Variants in MYPN observed in about 807,000 individuals in gnomAD.
MYPN encodes sarcomeric protein myopalladin, 145 kDa (MYOP).
MYPN carries 63 observed loss-of-function variants against 129.4 expected under a neutral mutation model. That is an observed-to-expected ratio of 0.49 (90% CI 0.40 to 0.60). The LOEUF (loss-of-function observed/expected upper bound fraction) is 0.60. MYPN is among the 20% of genes least tolerant of loss of function. The pLI, the probability that MYPN is intolerant of heterozygous loss-of-function variation, is 0.00. For missense variants in MYPN, 1,596 were observed against 1,635.4 expected (o/e 0.98, Z 0.42); for synonymous variants, 629 against 600.9 (o/e 1.05, Z -0.68).
At chr10:68,110,570 T>C (rs1486292588) in intron 1 of MYPN, among the ~76,000 whole-genome samples, 1 of 152,178 alleles carries the variant, frequency 6.6e-6, no homozygotes, top group East Asian at 1.9e-4. Context: ...CATCCAGTTT[T>C]CTTTCTCAAA....
In MYPN at chr10:68,211,219, G is replaced by A. The variant is rs1270636251; in HGVS notation, c.*764G>A. On this transcript the variant is annotated 3_prime_UTR_variant, in exon 20 of 20. Coordinates refer to ENST00000358913, the MANE Select transcript of MYPN (RefSeq NM_032578.4). ...CCCTAGACACTAGAACTAAAGGATT[G>A]GTAATAAACCAATCAGAAAGAAATC... 8.6e-5 allele frequency: 39 copies of A among 453,856 alleles called. No individual in the cohort carries two copies. Among genetic ancestry groups the A allele is most frequent in the Non-Finnish European group, 1.7e-4 (38 of 226,794 alleles). The allele number at this position is 453,856 out of a possible 1,614,324, so 28.1% of individuals were successfully genotyped here. A position where few individuals can be genotyped will look rare whatever the true frequency, so the allele number is the denominator to read the frequency against.
rs2042982324 is a variant in MYPN, at chr10:68,161,889, G to A, written c.1483+137G>A. 6.0e-6 allele frequency: 4 copies of A among 667,148 alleles called. 1 individual carries two copies. The highest frequency in any genetic ancestry group is 3.9e-5 in the South Asian group (2 of 51,660). The allele number at this position is 667,148 out of a possible 1,614,324, so 41.3% of individuals were successfully genotyped here. A position where few individuals can be genotyped will look rare whatever the true frequency, so the allele number is the denominator to read the frequency against. ...AAAAAAAGATCCAAATGGGCCGGGT[G>A]CAGTGGCTCATGTCTGTAATTCCAG... On this transcript the variant is annotated intron_variant, in intron 8 of 19. Coordinates refer to ENST00000358913, the MANE Select transcript of MYPN (RefSeq NM_032578.4).
chr10:68,122,099 G>A lies in MYPN; in HGVS notation c.661G>A (p.Asp221Asn), dbSNP rs1236946451. ...VPIPIPADTR[D>N]NEVNHALEQQ... ...CATCCCTATCCCTGCGGATACCAGG[G>A]ATAATGAAGTGAATCACGCCCTGGA... The change falls in exon 2 of 20, where the codon GAT becomes AAT. Residue 221 changes from aspartate to asparagine, a missense_variant. Asp to Asn is a conservative substitution (Grantham distance 23). Coordinates refer to ENST00000358913, the MANE Select transcript of MYPN (RefSeq NM_032578.4). 1 of 1,614,212 alleles carries A rather than the reference G, an allele frequency of 6.2e-7. No homozygotes were observed. Among genetic ancestry groups the A allele is most frequent in the Non-Finnish European group, 8.5e-7 (1 of 1,180,038 alleles).
At chr10:68,119,307 G>T (rs1240764226) in intron 1 of MYPN, among the ~76,000 whole-genome samples, 2 of 151,890 alleles carry the variant, frequency 1.3e-5, no homozygotes, top group African/African-American at 4.8e-5. Flanking sequence ...TACTGAACAT[G>T]GTTACAATTT....
chr10:68,122,073 C>T lies in MYPN; in HGVS notation c.635C>T (p.Pro212Leu). Residue 212 changes from proline (P) to leucine (L), a missense_variant, in exon 2 of 20, where the codon CCC becomes CTC. By Grantham distance (98) the Pro-to-Leu change is moderately conservative. Coordinates refer to ENST00000358913, the MANE Select transcript of MYPN (RefSeq NM_032578.4). ...GAAAGACGAGAAAGATCTTCTGTTCCCATCCCTATCCCTGCGGATACCAGG... is the reference window on the plus strand; with the variant it reads ...GAAAGACGAGAAAGATCTTCTGTTCTCATCCCTATCCCTGCGGATACCAGG... ...LSERRERSSV[P>L]IPIPADTRDN... is the part of the protein sequence containing the mutation. The T allele has an allele frequency of 6.2e-7, 1 of 1,614,178 alleles. No individual in the cohort carries two copies. The highest frequency in any genetic ancestry group is 8.5e-7 in the Non-Finnish European group (1 of 1,180,046).
rs144415949 is a variant in MYPN, at chr10:68,163,397, C to A, written c.1483+1645C>A. Among the ~76,000 whole-genome samples the A allele has an allele frequency of 8.0e-3, 1,215 of 152,058 alleles. 22 individuals are homozygous for A. Among genetic ancestry groups the A allele is most frequent in the African/African-American group, 0.028 (1,155 of 41,480 alleles). Reference sequence around the variant, plus strand: ...ATCCCAGCACTTTGGGAGGCCGAGGCGGGTGGATCATGAGGTCAGGAGATC... The same window carrying A: ...ATCCCAGCACTTTGGGAGGCCGAGGAGGGTGGATCATGAGGTCAGGAGATC... On this transcript the variant is annotated intron_variant, in intron 8 of 19. Transcript: ENST00000358913.
intron 12 of MYPN, among the ~76,000 whole-genome samples, chr10:68,184,907 A>G (rs1371992735): frequency 6.6e-6 from 1 of 152,160 alleles, no homozygotes; most frequent in African/African-American, 2.4e-5. Flanking sequence ...TCGAGAGAGG[A>G]AAGAGGAGAA....
intron 10 of MYPN, among the ~76,000 whole-genome samples, chr10:68,170,598 A>G (rs1226152917): frequency 6.6e-6 from 1 of 152,170 alleles, no homozygotes; most frequent in East Asian, 1.9e-4. Flanking sequence ...TATGGAAAAT[A>G]GAGATAATGT....
chr10:68,208,445 A>G (rs1462999150), intron 19 of MYPN, among the ~76,000 whole-genome samples: 2 of 152,220 alleles, frequency 1.3e-5, no homozygotes, highest in African/African-American at 4.8e-5. Flanking sequence ...GGAAGCAGAC[A>G]CTAATGTACT....
chr10:68,127,797 A>T (rs1049975825), intron 2 of MYPN, among the ~76,000 whole-genome samples: 2 of 152,192 alleles, frequency 1.3e-5, no homozygotes, highest in African/African-American at 4.8e-5. Context: ...TCCTTAAAAA[A>T]TACCTTAAAA....
chr10:68,113,256 T>C (rs150273887), intron 1 of MYPN, among the ~76,000 whole-genome samples: 44 of 152,348 alleles, frequency 2.9e-4, no homozygotes, highest in African/African-American at 1.0e-3. Context: ...TATTTATCTT[T>C]TCCTATCCTG....
chr10:68,175,208 T>C (rs1589589051), intron 11 of MYPN, 115 bp from the exon 12 acceptor site: 2 of 1,115,790 alleles, frequency 1.8e-6, no homozygotes, highest in East Asian at 2.4e-5. Flanking sequence ...CTTAATTCCC[T>C]AAGTGCCTAA....
chr10:68,114,553 T>C (rs1027479050), intron 1 of MYPN, among the ~76,000 whole-genome samples: 1 of 152,084 alleles, frequency 6.6e-6, no homozygotes, highest in East Asian at 1.9e-4. Context: ...TTCACCATGT[T>C]GACCAGGCTG....
upstream of MYPN, among the ~76,000 whole-genome samples, chr10:68,105,038 C>A (rs555136935): frequency 6.6e-6 from 1 of 152,296 alleles, no homozygotes; most frequent in South Asian, 2.1e-4. Context: ...CCCGCCTCAG[C>A]CTGCAAAGTG....
In MYPN at chr10:68,110,909, A is replaced by G. The variant is rs1374801971; in HGVS notation, c.-2+1186A>G. ...CAAGAGATAAAATTATAGGCCTTAC[A>G]GAATCTTATAATAATGGACTATGAA... is the stretch of plus-strand genomic sequence containing the variant. On this transcript the variant is annotated intron_variant, in intron 1 of 19. Coordinates refer to ENST00000358913, the MANE Select transcript of MYPN (RefSeq NM_032578.4). Among the ~76,000 whole-genome samples the G allele has an allele frequency of 4.6e-5, 7 of 152,336 alleles. No individual in the cohort carries two copies. In the East Asian group the frequency reaches 1.3e-3, roughly 29 times the overall value.
chr10:68,161,513 C>CT (rs1268698752), intron 7 of MYPN, among the ~76,000 whole-genome samples: 2 of 139,166 alleles, frequency 1.4e-5, no homozygotes, highest in Non-Finnish European at 3.0e-5. Context: ...GAAACTCAGT[C>CT]TCAAAAAAAA....
chr10:68,095,050 G>C (rs1035442534), intron 1 of MYPN, among the ~76,000 whole-genome samples: 5 of 152,090 alleles, frequency 3.3e-5, no homozygotes, highest in Non-Finnish European at 5.9e-5. Context: ...TACAGAGGGA[G>C]ACTTTTTAAA....
chr10:68,156,120 C>A (rs931899854), intron 6 of MYPN, among the ~76,000 whole-genome samples: 2 of 152,204 alleles, frequency 1.3e-5, no homozygotes, highest in Admixed American at 1.3e-4. Context: ...ATTAGATTGA[C>A]CTCATTCTAC....
chr10:68,188,151 C>T (rs529549415), intron 12 of MYPN, among the ~76,000 whole-genome samples: 1 of 152,158 alleles, frequency 6.6e-6, no homozygotes, highest in South Asian at 2.1e-4. Context: ...GCTCTGTTGC[C>T]CAGGCTGAAT....
Sources: gnomAD v4.1 joint callset for allele counts (sites outside exome capture counted in the v4.1 genomes callset) on GRCh38, gnomAD v4.1.1 for gene constraint, MANE v1.5 for transcripts, NCBI Gene and HGNC (gene_info 2026-07-23, HGNC 2026-07-21) for gene names.